The following HAT1 variants were observed in gnomAD, a reference collection of about 807,000 sequenced individuals.
HAT1 encodes the protein histone acetyltransferase 1.
HAT1 carries 20 observed loss-of-function variants against 56.6 expected under a neutral mutation model. That is an observed-to-expected ratio of 0.35 (90% CI 0.25 to 0.51). HAT1 has a LOEUF of 0.51. Ranked by LOEUF, HAT1 falls within the 20% of genes least tolerant of loss-of-function variation. The pLI, the probability that HAT1 is intolerant of heterozygous loss-of-function variation, is 0.95. For synonymous variants in HAT1, 146 were observed against 165.5 expected (o/e 0.88, Z 0.91); for missense variants, 408 against 504.3 (o/e 0.81, Z 1.83).
chr2:171,973,624 A>G (rs1010857560), intron 8 of HAT1, among the ~76,000 whole-genome samples: 1 of 152,098 alleles, frequency 6.6e-6, no homozygotes, highest in Non-Finnish European at 1.5e-5. Context: ...CCTGAGCTCT[A>G]CCTCCTGTCG....
chr2:171,967,063 TTTAAGCCATCTAAAGA>T (rs1298607465), intron 8 of HAT1, 114 bp downstream of exon 8: 11 of 601,270 alleles, frequency 1.8e-5, no homozygotes, highest in Non-Finnish European at 3.0e-5. Flanking sequence ...TCCTAGGGTG[TTTAAGCCATCTAAAGA>T]TGGCTTAAGT....
intron 3 of HAT1, among the ~76,000 whole-genome samples, chr2:171,947,232 T>C (rs1040910762): frequency 2.0e-5 from 3 of 152,102 alleles, no homozygotes; most frequent in African/African-American, 7.2e-5. Context: ...AATAAGCAGT[T>C]GAGAGAAGTT....
At chr2:171,938,746 A>ATT (rs200912128) in intron 2 of HAT1, among the ~76,000 whole-genome samples, 4 of 146,846 alleles carry the variant, frequency 2.7e-5, no homozygotes, top group African/African-American at 9.9e-5. Flanking sequence ...TCTGAAACAT[A>ATT]TTTTTTTTTT....
At chr2:171,929,597 T>C (rs988595359) in intron 2 of HAT1, among the ~76,000 whole-genome samples, 4 of 152,236 alleles carry the variant, frequency 2.6e-5, no homozygotes, top group African/African-American at 9.6e-5. Context: ...TTTTTAGTTT[T>C]AGCTTATTAA....
chr2:171,959,408 A>G (rs1474620718), intron 4 of HAT1, among the ~76,000 whole-genome samples: 1 of 152,238 alleles, frequency 6.6e-6, no homozygotes, highest in Non-Finnish European at 1.5e-5. Context: ...TTAGTTATAG[A>G]TAAATCTTTT....
Position 171,979,350 on chromosome 2 carries a change from T to C in HAT1, c.1079T>C (p.Ile360Thr). The part of the protein sequence containing the change: ...SYRLDIKRRL[I>T]SPYKKKQRDL... ...AGACTGGATATTAAAAGAAGACTAA[T>C]TAGCCCATATAAGGTAGGACTTTCA... is the stretch of plus-strand genomic sequence containing the variant. The change falls in exon 10 of 11, where the codon ATT becomes ACT. Residue 360 changes from isoleucine (I) to threonine (T), a missense_variant. Coordinates refer to ENST00000264108, the MANE Select transcript of HAT1 (RefSeq NM_003642.4). 1 of 1,515,650 alleles carries C rather than the reference T, an allele frequency of 6.6e-7. No homozygotes were observed. Among genetic ancestry groups the C allele is most frequent in the Non-Finnish European group, 9.2e-7 (1 of 1,090,088 alleles). The allele number at this position is 1,515,650 out of a possible 1,614,324, so 93.9% of individuals were successfully genotyped here.
chr2:171,932,922 T>C (rs1174803277), intron 2 of HAT1, among the ~76,000 whole-genome samples: 1 of 152,174 alleles, frequency 6.6e-6, no homozygotes, highest in African/African-American at 2.4e-5. Flanking sequence ...GGGGTATTGG[T>C]AATTCTTTTT....
intron 10 of HAT1, chr2:171,979,583 G>A (rs1423780385): frequency 1.0e-5 from 4 of 392,418 alleles, no homozygotes; most frequent in Admixed American, 4.0e-5. Flanking sequence ...CAAGGCGGGT[G>A]GATCACCTCA....
chr2:171,972,634 C>T (rs376378294), intron 8 of HAT1, among the ~76,000 whole-genome samples: 6 of 152,320 alleles, frequency 3.9e-5, no homozygotes, highest in African/African-American at 1.4e-4. Flanking sequence ...GGTCTCCTAG[C>T]TGTAAAGGGC....
chr2:171,976,651 G>T (rs1412278691), intron 9 of HAT1, among the ~76,000 whole-genome samples: 4 of 152,074 alleles, frequency 2.6e-5, no homozygotes, highest in African/African-American at 4.8e-5. Context: ...AGACATTATT[G>T]GTGGGAAGAA....
chr2:171,939,991 A>C (rs984212198), intron 2 of HAT1, among the ~76,000 whole-genome samples: 2 of 152,000 alleles, frequency 1.3e-5, no homozygotes, highest in African/African-American at 4.8e-5. Context: ...GGCTAGTCTC[A>C]AACTCCTGGA....
At position 171,954,334 on chromosome 2, in the gene HAT1, A is replaced by G. The variant is rs185909489; in HGVS notation, c.309+1333A>G. Among the ~76,000 whole-genome samples the G allele has an allele frequency of 5.0e-4, 76 of 152,346 alleles. 1 individual carries two copies. The highest frequency in any genetic ancestry group is 1.8e-3 in the African/African-American group (76 of 41,576). On this transcript the variant is annotated intron_variant, in intron 4 of 10. Transcript: ENST00000264108. ...TTATGGATGGAATACATGGATGATC[A>G]AGCTGATCACATTATAAAACTATTT...
intron 4 of HAT1, among the ~76,000 whole-genome samples, chr2:171,958,474 G>T (rs1687501281): frequency 6.6e-6 from 1 of 151,574 alleles, no homozygotes; most frequent in Non-Finnish European, 1.5e-5. Context: ...TTTTTGTAGA[G>T]ACGGGGTCTT....
chr2:171,942,382 G>C (rs1687039925), intron 2 of HAT1, among the ~76,000 whole-genome samples: 1 of 151,984 alleles, frequency 6.6e-6, no homozygotes, highest in Admixed American at 6.6e-5. Flanking sequence ...TTATAATTTG[G>C]AGTGTTTTCT....
Position 171,922,514 on chromosome 2 carries a change from T to C in HAT1, c.7+7T>C. The stretch of plus-strand genomic sequence containing the variant: ...CGTAGCTCGGAAATGGCGGGTAAGT[T>C]ACCGGGAAAAGTTTACCAAGGGGAG... On this transcript the variant is annotated splice_region_variant and intron_variant, in intron 1 of 10. Coordinates refer to ENST00000264108, the MANE Select transcript of HAT1 (RefSeq NM_003642.4). The C allele has an allele frequency of 7.6e-7, 1 of 1,318,212 alleles. No individual in the cohort carries two copies. 81.7% of individuals were successfully genotyped at this position (1,318,212 alleles called of 1,614,324 possible).
At chr2:171,923,678 T>G (rs1164421278) in intron 1 of HAT1, 1 of 152,194 alleles carries the variant, frequency 6.6e-6, no homozygotes, top group African/African-American at 2.4e-5. Flanking sequence ...TTGTGTGAGC[T>G]CTACAGATGT....
chr2:171,952,463 G>A (rs1687332493), intron 3 of HAT1, among the ~76,000 whole-genome samples: 1 of 152,230 alleles, frequency 6.6e-6, no homozygotes, highest in Non-Finnish European at 1.5e-5. Flanking sequence ...TCAGTAAGCA[G>A]TAAGTTGGAG....
chr2:171,941,505 G>A (rs183576565), intron 2 of HAT1, among the ~76,000 whole-genome samples: 4 of 152,248 alleles, frequency 2.6e-5, no homozygotes, highest in African/African-American at 4.8e-5. Context: ...CTCTGCTAAC[G>A]TTAATCTGTA....
At chr2:171,933,847 G>A (rs994225501) in intron 2 of HAT1, among the ~76,000 whole-genome samples, 1 of 152,138 alleles carries the variant, frequency 6.6e-6, no homozygotes, top group Admixed American at 6.5e-5. Flanking sequence ...TGTCCTAGGT[G>A]CACTGAAAAA....
Sources: allele counts gnomAD v4.1 joint callset (sites outside exome capture counted in the v4.1 genomes callset), GRCh38; gene constraint gnomAD v4.1.1; transcripts MANE v1.5; gene names NCBI Gene and HGNC (gene_info 2026-07-23, HGNC 2026-07-21).